CAMTA1: variants seen among roughly 807,000 people sequenced by gnomAD.
The protein encoded by CAMTA1 is calmodulin binding transcription activator 1, also known as calmodulin-binding transcription activator 1.
Under a neutral mutation model 170.9 loss-of-function variants are expected in CAMTA1, and 27 were observed. The ratio of observed to expected loss-of-function variants is 0.16; its 90% CI spans 0.12 to 0.22. The LOEUF (loss-of-function observed/expected upper bound fraction) is 0.22, where lower values mean the gene tolerates loss of function less well. CAMTA1 is among the 10% of genes least tolerant of loss of function. The pLI is 1.00. For missense variants in CAMTA1, 1,619 were observed against 2,217.2 expected (o/e 0.73, Z 5.42); for synonymous variants, 833 against 891.5 (o/e 0.93, Z 1.17).
intron 5 of CAMTA1, among the ~76,000 whole-genome samples, chr1:7,429,944 C>T (rs2092076241): frequency 6.6e-6 from 1 of 152,058 alleles, no homozygotes. Flanking sequence ...TTCACTGTCA[C>T]CACGACAGCA....
intron 4 of CAMTA1, among the ~76,000 whole-genome samples, chr1:7,110,333 T>C (rs1338927541): frequency 1.3e-5 from 2 of 152,106 alleles, no homozygotes; most frequent in African/African-American, 2.4e-5. Flanking sequence ...TGAGGCAGCT[T>C]AATAGACATC....
At chr1:7,006,296 A>G (rs184264384) in intron 3 of CAMTA1, among the ~76,000 whole-genome samples, 14 of 152,334 alleles carry the variant, frequency 9.2e-5, no homozygotes, top group South Asian at 2.1e-4. Context: ...ACTTTTCCCC[A>G]TTAAAAACTA....
Position 6,899,554 on chromosome 1 carries a change from GCACACACA to G in CAMTA1, c.234+74377_234+74384del, listed in dbSNP as rs70984034. The stretch of plus-strand genomic sequence containing the variant: ...ATGTGTATAACGCGCACGCGCGCGC[GCACACACA>G]CACACACACACACACACACACACAC... On this transcript the variant is annotated intron_variant, in intron 3 of 22. Transcript: ENST00000303635. Among the ~76,000 whole-genome samples the G allele has an allele frequency of 8.0e-3, 1,129 of 141,168 alleles. 10 individuals are homozygous for G. The highest frequency in any genetic ancestry group is 0.023 in the African/African-American group (903 of 39,220). 92.6% of individuals were successfully genotyped at this position (141,168 alleles called of 152,430 possible).
chr1:7,322,470 A>G (rs572501237), intron 5 of CAMTA1, among the ~76,000 whole-genome samples: 22 of 152,382 alleles, frequency 1.4e-4, no homozygotes, highest in African/African-American at 5.0e-4. Context: ...GCGTGTGGCT[A>G]TGTTCTAATA....
At chr1:7,735,123 A>G (rs576597593) in intron 12 of CAMTA1, among the ~76,000 whole-genome samples, 92 of 152,318 alleles carry the variant, frequency 6.0e-4, no homozygotes, top group African/African-American at 2.2e-3. Flanking sequence ...TACTTTACAT[A>G]AAGGACTGGA....
chr1:7,540,789 A>G (rs1331978828), intron 6 of CAMTA1, among the ~76,000 whole-genome samples: 2 of 152,308 alleles, frequency 1.3e-5, no homozygotes, highest in East Asian at 3.9e-4. Flanking sequence ...AAAGGTCAAG[A>G]AAACTATTGC....
chr1:7,668,138 C>T (rs1021060699), intron 9 of CAMTA1, among the ~76,000 whole-genome samples: 1 of 152,218 alleles, frequency 6.6e-6, no homozygotes, highest in Non-Finnish European at 1.5e-5. Flanking sequence ...CAGGTTCTGC[C>T]AAGCTCAGGG....
At chr1:7,708,786 G>A (rs1056078517) in intron 11 of CAMTA1, among the ~76,000 whole-genome samples, 8 of 152,120 alleles carry the variant, frequency 5.3e-5, no homozygotes, top group Admixed American at 4.6e-4. Context: ...TAAAGTATAC[G>A]GAGTTTAATG....
Position 7,709,132 on chromosome 1 carries a change from T to C in CAMTA1, c.2915-23316T>C, listed in dbSNP as rs2096550076. On this transcript the variant is annotated intron_variant, in intron 11 of 22. Transcript: ENST00000303635. ...TCCATGTTAAATTCTGTCTCTTTTTTCCTTTGAGCCTCACTCAAGTCTTAT... is the reference window on the plus strand; with the variant it reads ...TCCATGTTAAATTCTGTCTCTTTTTCCCTTTGAGCCTCACTCAAGTCTTAT... Among the ~76,000 whole-genome samples, 3 of 152,168 alleles carry C rather than the reference T, an allele frequency of 2.0e-5. No homozygotes were observed. In the South Asian group the frequency reaches 6.2e-4, roughly 32 times the overall value.
At chr1:7,109,709 A>C (rs982197004) in intron 4 of CAMTA1, among the ~76,000 whole-genome samples, 5 of 152,230 alleles carry the variant, frequency 3.3e-5, no homozygotes, top group Non-Finnish European at 7.3e-5. Context: ...TCAAGATGTC[A>C]CAGTAAAAAC....
intron 1 of CAMTA1, among the ~76,000 whole-genome samples, chr1:6,801,410 C>T (rs558647077): frequency 6.6e-6 from 1 of 152,238 alleles, no homozygotes; most frequent in South Asian, 2.1e-4. Flanking sequence ...TGGTGCTGCT[C>T]CAAGTTGTTG....
chr1:7,696,087 T>A (rs2096372723), intron 11 of CAMTA1, among the ~76,000 whole-genome samples: 1 of 152,188 alleles, frequency 6.6e-6, no homozygotes, highest in Non-Finnish European at 1.5e-5. Flanking sequence ...GATGGTGATG[T>A]CAAAATGGCT....
At chr1:7,287,610 A>G (rs374157599) in intron 5 of CAMTA1, among the ~76,000 whole-genome samples, 5 of 152,220 alleles carry the variant, frequency 3.3e-5, no homozygotes, top group African/African-American at 4.8e-5. Context: ...ATCACCACTG[A>G]TATTTTTACA....
intron 3 of CAMTA1, among the ~76,000 whole-genome samples, chr1:6,843,402 G>A (rs966137200): frequency 6.6e-6 from 1 of 152,214 alleles, no homozygotes; most frequent in Non-Finnish European, 1.5e-5. Flanking sequence ...AGGAATTTCA[G>A]TTAGAAAACT....
chr1:7,603,341 G>A (rs1475102914), intron 6 of CAMTA1, among the ~76,000 whole-genome samples: 3 of 152,108 alleles, frequency 2.0e-5, no homozygotes, highest in African/African-American at 7.2e-5. Context: ...GATCTCTAAG[G>A]ACTTGCTTTA....
intron 4 of CAMTA1, among the ~76,000 whole-genome samples, chr1:7,239,294 C>T (rs776673298): frequency 3.2e-4 from 48 of 152,308 alleles, no homozygotes; most frequent in Non-Finnish European, 5.1e-4. Context: ...TTCAACATTT[C>T]GGTTGTTTCA....
At chr1:7,414,797 C>T (rs1459140166) in intron 5 of CAMTA1, among the ~76,000 whole-genome samples, 2 of 151,810 alleles carry the variant, frequency 1.3e-5, no homozygotes, top group Non-Finnish European at 2.9e-5. Context: ...TTGCCTTCTG[C>T]TAGCTTTTGA....
chr1:6,860,800 TA>T (rs1273072506), intron 3 of CAMTA1, among the ~76,000 whole-genome samples: 19 of 152,004 alleles, frequency 1.2e-4, no homozygotes, highest in Admixed American at 1.1e-3. Flanking sequence ...TAATCCCAGC[TA>T]CTTGGGAGGC....
At position 7,014,145 on chromosome 1, in the gene CAMTA1, C is replaced by T. The variant is rs567647857; in HGVS notation, c.235-77159C>T. 1 of 152,450 alleles carries T rather than the reference C, an allele frequency of 6.6e-6. No individual in the cohort carries two copies. The highest frequency in any genetic ancestry group is 2.1e-4 in the South Asian group (1 of 4,836). 9.4% of individuals were successfully genotyped at this position (152,450 alleles called of 1,614,324 possible). ...GGCAGCGCCTGGGCAGGGCTGTGTG[C>T]CTCAGAGGGTGCCCTCAGCCGTGGC... On this transcript the variant is annotated intron_variant, in intron 3 of 22. Coordinates refer to ENST00000303635, the MANE Select transcript of CAMTA1 (RefSeq NM_015215.4). The surrounding 1 kb of genome is among the most constrained non-coding windows in gnomAD (Gnocchi z 4.2).
Sources: gnomAD v4.1 joint callset for allele counts (sites outside exome capture counted in the v4.1 genomes callset) on GRCh38, gnomAD v4.1.1 for gene constraint, Gnocchi (gnomAD v3.1) non-coding constraint, MANE v1.5 for transcripts, NCBI Gene and HGNC (gene_info 2026-07-23, HGNC 2026-07-21) for gene names.